The following FSTL5 variants were observed in gnomAD, a reference collection of about 807,000 sequenced individuals.
FSTL5 encodes the protein follistatin-related protein 5.
FSTL5 carries 62 observed loss-of-function variants against 89.1 expected under a neutral mutation model. The ratio of observed to expected loss-of-function variants is 0.70; its 90% CI spans 0.57 to 0.86. The LOEUF (loss-of-function observed/expected upper bound fraction) is 0.86. Ranked by LOEUF, FSTL5 falls within the 40% of genes least tolerant of loss-of-function variation. FSTL5 has a pLI of 0.00. For missense variants in FSTL5, 1,057 were observed against 1,001.6 expected (o/e 1.06, Z -0.75); for synonymous variants, 383 against 346.2 (o/e 1.11, Z -1.18).
chr4:161,845,543 C>G (rs1388571413), intron 4 of FSTL5, among the ~76,000 whole-genome samples: 1 of 152,174 alleles, frequency 6.6e-6, no homozygotes, highest in Admixed American at 6.5e-5. Context: ...TCAAAGGCAG[C>G]ATATTTATAA....
At chr4:161,692,570 T>A (rs1487154266) in intron 6 of FSTL5, among the ~76,000 whole-genome samples, 1 of 152,088 alleles carries the variant, frequency 6.6e-6, no homozygotes, top group African/African-American at 2.4e-5. Flanking sequence ...TTGGTGTACT[T>A]ATAAAAAGAG....
At chr4:161,534,074 T>C (rs1034303004) in intron 10 of FSTL5, among the ~76,000 whole-genome samples, 5 of 152,116 alleles carry the variant, frequency 3.3e-5, no homozygotes, top group South Asian at 2.1e-4. Context: ...CAAAGGAACA[T>C]ACCTTAAAAT....
chr4:161,793,657 A>C (rs935817713), intron 4 of FSTL5, among the ~76,000 whole-genome samples: 2 of 150,338 alleles, frequency 1.3e-5, no homozygotes, highest in Non-Finnish European at 2.9e-5. Context: ...TGCCCATGCT[A>C]GAGTGCAGTG....
chr4:161,472,091 C>T (rs192252494), intron 13 of FSTL5, among the ~76,000 whole-genome samples: 2 of 151,992 alleles, frequency 1.3e-5, no homozygotes, highest in Non-Finnish European at 2.9e-5. Flanking sequence ...ATTCTCCTGC[C>T]TCAGCCTCCA....
intron 1 of FSTL5, among the ~76,000 whole-genome samples, chr4:162,139,406 T>C (rs1387396991): frequency 6.6e-6 from 1 of 151,846 alleles, no homozygotes; most frequent in Admixed American, 6.6e-5. Context: ...AGGGAGATGA[T>C]TTTTCAAACC....
At chr4:161,819,654 T>C (rs185161622) in intron 4 of FSTL5, among the ~76,000 whole-genome samples, 54 of 152,098 alleles carry the variant, frequency 3.6e-4, no homozygotes, top group African/African-American at 1.3e-3. Context: ...GAAGAAAATT[T>C]GGGGCTAGAA....
intron 2 of FSTL5, among the ~76,000 whole-genome samples, chr4:162,040,144 C>T (rs1456940854): frequency 6.6e-6 from 1 of 151,988 alleles, no homozygotes; most frequent in African/African-American, 2.4e-5. Flanking sequence ...ATTATTACTT[C>T]CCAGACAAAT....
intron 5 of FSTL5, among the ~76,000 whole-genome samples, chr4:161,774,575 T>A (rs1423198435): frequency 6.6e-6 from 1 of 152,030 alleles, no homozygotes; most frequent in East Asian, 1.9e-4. Flanking sequence ...ATGTCTTTTT[T>A]AAAATCCAGT....
chr4:161,538,889 G>A, intron 9 of FSTL5, among the ~76,000 whole-genome samples: 1 of 151,936 alleles, frequency 6.6e-6, no homozygotes, highest in Admixed American at 6.6e-5. Context: ...TCAGCTTCCT[G>A]AGTAGCTGGG....
chr4:161,435,065 T>C (rs867379127), intron 15 of FSTL5, among the ~76,000 whole-genome samples: 7 of 152,026 alleles, frequency 4.6e-5, no homozygotes, highest in Non-Finnish European at 1.0e-4. Context: ...AGAAATCCCA[T>C]TGCTAGGCAT....
At chr4:162,056,132 C>T (rs966677125) in intron 2 of FSTL5, among the ~76,000 whole-genome samples, 11 of 151,764 alleles carry the variant, frequency 7.2e-5, no homozygotes, top group African/African-American at 2.7e-4. Context: ...AAAAGACAAG[C>T]ATACATTGGA....
At chr4:161,976,574 C>T (rs1380318630) in intron 3 of FSTL5, among the ~76,000 whole-genome samples, 3 of 152,116 alleles carry the variant, frequency 2.0e-5, no homozygotes, top group Non-Finnish European at 4.4e-5. Context: ...CTCCGCCTTC[C>T]GTGTTCACGC....
chr4:162,053,430 G>C (rs1738445589), intron 2 of FSTL5, among the ~76,000 whole-genome samples: 1 of 151,674 alleles, frequency 6.6e-6, no homozygotes, highest in Admixed American at 6.6e-5. Context: ...CTGTGTCCTA[G>C]ACTCATGCCT....
intron 1 of FSTL5, among the ~76,000 whole-genome samples, chr4:162,132,955 T>G (rs1732364080): frequency 6.6e-6 from 1 of 152,198 alleles, no homozygotes; most frequent in Non-Finnish European, 1.5e-5. Context: ...TTTTTTTTCT[T>G]TTTTTGAGAC....
intron 3 of FSTL5, among the ~76,000 whole-genome samples, chr4:161,971,958 C>A (rs1735497535): frequency 1.3e-5 from 2 of 152,034 alleles, no homozygotes; most frequent in South Asian, 4.1e-4. Flanking sequence ...ATAACCATAC[C>A]AAGTCAAAGT....
intron 2 of FSTL5, among the ~76,000 whole-genome samples, chr4:162,045,606 A>G (rs1327870052): frequency 6.6e-6 from 1 of 152,168 alleles, no homozygotes; most frequent in African/African-American, 2.4e-5. Flanking sequence ...AATTATCAAA[A>G]TGTGACACAG....
rs1435800231 is a variant in FSTL5 at position 161,481,148 on chromosome 4, C to T, written c.1480G>A (p.Glu494Lys). 1.9e-6 allele frequency: 3 copies of T among 1,611,166 alleles called. No individual in the cohort carries two copies. Among genetic ancestry groups the T allele is most frequent in the Admixed American group, 1.7e-5 (1 of 59,818 alleles). The change falls in exon 13 of 16, where the codon GAG (glutamate) becomes AAG (lysine). Residue 494 changes from glutamate (E) to lysine (K), a missense_variant. Physicochemically the swap from Glu to Lys is moderately conservative, Grantham distance 56. This residue lies in a region of FSTL5 where 980 missense variants were observed against 903.2 expected (regional missense o/e 1.08). Coordinates refer to ENST00000306100, the MANE Select transcript of FSTL5 (RefSeq NM_020116.5). The stretch of plus-strand genomic sequence containing the variant: ...ACACACCTCTGAACTTCATCTCCCT[C>T]AGCTTTGGGACAGACTTCATCCTGT... ...GFQDEVCPKA[E>K]GDEVQRCVWA...
chr4:161,731,186 A>C (rs749057730), intron 6 of FSTL5, among the ~76,000 whole-genome samples: 2 of 152,300 alleles, frequency 1.3e-5, no homozygotes, highest in Non-Finnish European at 2.9e-5. Context: ...ATACATATCC[A>C]CGAAATGTCA....
intron 15 of FSTL5, among the ~76,000 whole-genome samples, chr4:161,433,053 A>G (rs2126345322): frequency 6.6e-6 from 1 of 152,090 alleles, no homozygotes; most frequent in African/African-American, 2.4e-5. Context: ...TAGATGAGAA[A>G]ATAATTCTAA....
Sources: gnomAD v4.1 joint callset for allele counts (sites outside exome capture counted in the v4.1 genomes callset) on GRCh38, gnomAD v4.1.1 for gene constraint, gnomAD v4.1.1 regional missense constraint, MANE v1.5 for transcripts, NCBI Gene and HGNC (gene_info 2026-07-23, HGNC 2026-07-21) for gene names.